Variants in TMEM132D observed in about 807,000 individuals in gnomAD.
TMEM132D encodes transmembrane protein 132D.
Under a neutral mutation model 62.3 loss-of-function variants are expected in TMEM132D, and 21 were observed. The ratio of observed to expected loss-of-function variants is 0.34; its 90% CI spans 0.24 to 0.49. The LOEUF (loss-of-function observed/expected upper bound fraction) is 0.49, where lower values mean the gene tolerates loss of function less well. Ranked by LOEUF, TMEM132D falls within the 20% of genes least tolerant of loss-of-function variation. The pLI is 0.99. For synonymous variants in TMEM132D, 621 were observed against 575.6 expected, an observed-to-expected ratio of 1.08 and a Z score of -1.13; for missense variants, 1,346 against 1,402.8, an observed-to-expected ratio of 0.96 and a Z score of 0.65.
intron 5 of TMEM132D, among the ~76,000 whole-genome samples, chr12:129,136,054 A>G (rs550258550): frequency 7.2e-5 from 11 of 152,214 alleles, no homozygotes; most frequent in Non-Finnish European, 1.2e-4. Context: ...AACTCATAAC[A>G]GATGGCACAT....
chr12:129,667,660 TA>T (rs1880409125), intron 2 of TMEM132D, among the ~76,000 whole-genome samples: 2 of 152,052 alleles, frequency 1.3e-5, no homozygotes, highest in Admixed American at 6.6e-5. Flanking sequence ...ATTAGCAAAA[TA>T]TTTTTTTCTA....
At chr12:129,209,131 G>A (rs913976271) in intron 5 of TMEM132D, among the ~76,000 whole-genome samples, 4 of 152,208 alleles carry the variant, frequency 2.6e-5, no homozygotes, top group South Asian at 4.2e-4. Flanking sequence ...GAATCATCCC[G>A]GAGTGTGGCC....
At chr12:129,836,556 C>T (rs1873012249) in intron 1 of TMEM132D, among the ~76,000 whole-genome samples, 1 of 151,858 alleles carries the variant, frequency 6.6e-6, no homozygotes, top group Admixed American at 6.6e-5. Flanking sequence ...GAGAGAATGT[C>T]ATATTACCCA....
chr12:129,171,611 G>A (rs2135546658), intron 5 of TMEM132D, among the ~76,000 whole-genome samples: 1 of 152,290 alleles, frequency 6.6e-6, no homozygotes, highest in Non-Finnish European at 1.5e-5. Context: ...ATTACTTTTT[G>A]CTTTGTAGGC....
At chr12:129,802,635 G>A (rs377040607) in intron 1 of TMEM132D, among the ~76,000 whole-genome samples, 1 of 132,886 alleles carries the variant, frequency 7.5e-6, no homozygotes, top group Non-Finnish European at 1.6e-5. Context: ...ATCAACTAAC[G>A]AGCAAAATAA....
chr12:129,140,243 C>CAT (rs1555232286), intron 5 of TMEM132D, among the ~76,000 whole-genome samples: 1 of 151,214 alleles, frequency 6.6e-6, no homozygotes, highest in Non-Finnish European at 1.5e-5. Flanking sequence ...CACACACACA[C>CAT]GGTAACTATG....
chr12:129,140,609 C>T (rs1348789537), intron 5 of TMEM132D, among the ~76,000 whole-genome samples: 9 of 152,090 alleles, frequency 5.9e-5, no homozygotes, highest in Admixed American at 2.6e-4. Flanking sequence ...GAGGCTGAGA[C>T]GGGCGGATCA....
At chr12:129,721,421 T>C (rs187129098) in intron 1 of TMEM132D, among the ~76,000 whole-genome samples, 1 of 152,260 alleles carries the variant, frequency 6.6e-6, no homozygotes, top group Non-Finnish European at 1.5e-5. Context: ...AATACCCACA[T>C]TGTGGTGATA....
chr12:129,510,271 A>T (rs1281253486), intron 3 of TMEM132D, among the ~76,000 whole-genome samples: 1 of 152,152 alleles, frequency 6.6e-6, no homozygotes, highest in African/African-American at 2.4e-5. Context: ...CTCTTGAGAA[A>T]TGTCTATTCA....
At chr12:129,677,431 C>G (rs1391908068) in intron 2 of TMEM132D, among the ~76,000 whole-genome samples, 1 of 152,174 alleles carries the variant, frequency 6.6e-6, no homozygotes, top group Non-Finnish European at 1.5e-5. Flanking sequence ...TTCTAAATTG[C>G]CTAGTCTCAG....
At chr12:129,145,600 A>C (rs1876873200) in intron 5 of TMEM132D, among the ~76,000 whole-genome samples, 1 of 152,104 alleles carries the variant, frequency 6.6e-6, no homozygotes, top group South Asian at 2.1e-4. Context: ...CTCTGGGCTC[A>C]GTGCCAACAG....
At chr12:129,806,492 A>G (rs1254128531) in intron 1 of TMEM132D, among the ~76,000 whole-genome samples, 32 of 135,896 alleles carry the variant, frequency 2.4e-4, no homozygotes, top group African/African-American at 8.5e-4. Flanking sequence ...GAATTGAACA[A>G]TGAGATCACA....
intron 3 of TMEM132D, among the ~76,000 whole-genome samples, chr12:129,385,072 C>A (rs915468509): frequency 2.8e-5 from 4 of 144,026 alleles, no homozygotes; most frequent in African/African-American, 5.1e-5. Flanking sequence ...GAGCATTTTA[C>A]ACTGTTAAAG....
intron 3 of TMEM132D, among the ~76,000 whole-genome samples, chr12:129,474,246 T>C (rs1034666234): frequency 2.6e-5 from 4 of 152,214 alleles, no homozygotes; most frequent in African/African-American, 9.6e-5. Context: ...TTAATAAAGA[T>C]GTATGCCCTT....
chr12:129,570,307 A>G (rs1352083959), intron 2 of TMEM132D, among the ~76,000 whole-genome samples: 1 of 152,228 alleles, frequency 6.6e-6, no homozygotes, highest in Non-Finnish European at 1.5e-5. Flanking sequence ...TCCTGGTCCC[A>G]AGATGTCCAC....
At chr12:129,733,425 C>T (rs972256597) in intron 1 of TMEM132D, among the ~76,000 whole-genome samples, 1 of 152,192 alleles carries the variant, frequency 6.6e-6, no homozygotes, top group African/African-American at 2.4e-5. Flanking sequence ...CCAAAATCAA[C>T]CACCAGTCAC....
At chr12:129,593,922 T>C (rs1411201142) in intron 2 of TMEM132D, among the ~76,000 whole-genome samples, 1 of 152,178 alleles carries the variant, frequency 6.6e-6, no homozygotes, top group Non-Finnish European at 1.5e-5. Context: ...TGCCTTTTTC[T>C]TCCCCTCATC....
intron 4 of TMEM132D, among the ~76,000 whole-genome samples, chr12:129,306,669 C>A (rs1047444019): frequency 6.6e-6 from 1 of 152,204 alleles, no homozygotes; most frequent in Non-Finnish European, 1.5e-5. Flanking sequence ...GGTCCTACAG[C>A]AGAGAAGTCT....
chr12:129,130,100 T>C (rs1275593190), intron 5 of TMEM132D, among the ~76,000 whole-genome samples: 2 of 151,402 alleles, frequency 1.3e-5, no homozygotes, highest in Admixed American at 6.6e-5. Flanking sequence ...GAGGTATTTA[T>C]TGACCACTGG....
Sources: allele counts gnomAD v4.1 joint callset (sites outside exome capture counted in the v4.1 genomes callset), GRCh38; gene constraint gnomAD v4.1.1; transcripts MANE v1.5; gene names NCBI Gene and HGNC (gene_info 2026-07-23, HGNC 2026-07-21).